Variants in CSRNP2 observed in about 807,000 individuals in gnomAD.
CSRNP2 encodes cysteine and serine rich nuclear protein 2.
CSRNP2 carries 11 observed loss-of-function variants against 36.6 expected under a neutral mutation model. That is an observed-to-expected ratio of 0.30 (90% CI 0.19 to 0.50). The LOEUF (loss-of-function observed/expected upper bound fraction) is 0.50. Among genes scored for constraint, CSRNP2 ranks in the 20% least tolerant of loss-of-function variants. CSRNP2 has a pLI of 0.98. For synonymous variants in CSRNP2, 248 were observed against 275.3 expected (o/e 0.90, Z 0.98); for missense variants, 483 against 691.4 (o/e 0.70, Z 3.38).
Position 51,063,796 on chromosome 12 carries a change from C to CA in CSRNP2, c.1581dup (p.Glu528Ter). 1 of 1,600,120 alleles carries CA rather than the reference C, an allele frequency of 6.2e-7. No homozygotes were observed. Among genetic ancestry groups the CA allele is most frequent in the Non-Finnish European group, 8.5e-7 (1 of 1,172,804 alleles). On this transcript the variant is annotated frameshift_variant, in exon 5 of 5. Coordinates refer to ENST00000228515, the MANE Select transcript of CSRNP2 (RefSeq NM_030809.3). LOFTEE classifies it high-confidence loss of function. ...GAAGAATCTTCAGGGGGCCGATCCT[C>CA]ATTCTGCTGGGAGGTCTTCACCATC... is the stretch of plus-strand genomic sequence containing the variant.
At position 51,067,551 on chromosome 12, in the gene CSRNP2, T is replaced by C; in HGVS notation, c.708+122A>G. 1.1e-6 allele frequency: 1 copy of C among 895,654 alleles called. No individual in the cohort carries two copies. Among genetic ancestry groups the C allele is most frequent in the East Asian group, 2.5e-5 (1 of 40,444 alleles). The allele number at this position is 895,654 out of a possible 1,614,324, so 55.5% of individuals were successfully genotyped here. ...TGTTGACGGAGGAGGGTTGTGGAACTGGAGAGTGTTCACAACCATAGGGAA... is the reference window on the plus strand; with the variant it reads ...TGTTGACGGAGGAGGGTTGTGGAACCGGAGAGTGTTCACAACCATAGGGAA... On this transcript the variant is annotated intron_variant, in intron 4 of 4. Transcript: ENST00000228515. The surrounding 1 kb of genome is among the most constrained non-coding windows in gnomAD (Gnocchi z 4.1).
chr12:51,069,028 T>C (rs1286784238), intron 3 of CSRNP2, among the ~76,000 whole-genome samples: 1 of 152,172 alleles, frequency 6.6e-6, no homozygotes, highest in Non-Finnish European at 1.5e-5. Flanking sequence ...CAGGCTGGAG[T>C]GCAGTGGCGT....
Position 51,062,098 on chromosome 12 carries a change from A to ATGTT in CSRNP2, c.*1644_*1647dup, listed in dbSNP as rs1338108193. 1.3e-5 allele frequency: 2 copies of ATGTT among 152,248 alleles called. No homozygotes were observed. The highest frequency in any genetic ancestry group is 2.9e-5 in the Non-Finnish European group (2 of 68,052). 9.4% of individuals were successfully genotyped at this position (152,248 alleles called of 1,614,324 possible). A position where few individuals can be genotyped will look rare whatever the true frequency, so the allele number is the denominator to read the frequency against. Reference sequence around the variant, plus strand: ...TAGGAAAGGCAGAATGAACTAAAAAATGTTATGTGTATTAAATACAAATCT... The same window carrying ATGTT: ...TAGGAAAGGCAGAATGAACTAAAAAATGTTTGTTATGTGTATTAAATACAAATCT... On this transcript the variant is annotated 3_prime_UTR_variant, in exon 5 of 5. Coordinates refer to ENST00000228515, the MANE Select transcript of CSRNP2 (RefSeq NM_030809.3).
intron 1 of CSRNP2, among the ~76,000 whole-genome samples, chr12:51,078,685 C>T (rs892636796): frequency 3.9e-5 from 6 of 152,192 alleles, no homozygotes; most frequent in Admixed American, 2.0e-4. Context: ...CCATCTCACA[C>T]CAGTTAGAAT....
intron 1 of CSRNP2, among the ~76,000 whole-genome samples, chr12:51,079,290 A>G (rs945607737): frequency 1.3e-5 from 2 of 151,974 alleles, no homozygotes; most frequent in African/African-American, 4.8e-5. Flanking sequence ...CAGCACACCA[A>G]CATGACACAT....
chr12:51,071,077 C>A (rs1371444846), intron 3 of CSRNP2, among the ~76,000 whole-genome samples: 3 of 151,968 alleles, frequency 2.0e-5, no homozygotes, highest in Admixed American at 1.3e-4. Flanking sequence ...GCCTGGCCAA[C>A]GTGGCAAAAC....
rs1220191959 is a variant in CSRNP2 at position 51,062,833 on chromosome 12, A to AAT, written c.*911_*912dup. 6.6e-6 allele frequency: 1 copy of AAT among 152,508 alleles called. No individual in the cohort carries two copies. Among genetic ancestry groups the AAT allele is most frequent in the Non-Finnish European group, 1.5e-5 (1 of 68,064 alleles). The allele number at this position is 152,508 out of a possible 1,614,324, so 9.4% of individuals were successfully genotyped here. Reference sequence around the variant, plus strand: ...TGGGTGAAAAAACAAGCATGGCACAAATATGTCATCTTTCCAGATAGCAAG... The same window carrying AAT: ...TGGGTGAAAAAACAAGCATGGCACAAATATATGTCATCTTTCCAGATAGCAAG... On this transcript the variant is annotated 3_prime_UTR_variant, in exon 5 of 5. Transcript: ENST00000228515.
chr12:51,071,750 G>A (rs1939168679), intron 3 of CSRNP2, among the ~76,000 whole-genome samples: 1 of 152,214 alleles, frequency 6.6e-6, no homozygotes, highest in African/African-American at 2.4e-5. Flanking sequence ...ATGGTATACT[G>A]TTTTGACAGA....
chr12:51,072,930 G>T (rs992416052), intron 3 of CSRNP2, among the ~76,000 whole-genome samples: 10 of 152,028 alleles, frequency 6.6e-5, no homozygotes, highest in African/African-American at 7.2e-5. Context: ...AAATAAATTG[G>T]GGGCGGGGGT....
rs544011361 is a variant in CSRNP2, at chr12:51,071,501, A to G, written c.411+2322T>C. Among the ~76,000 whole-genome samples, 6 of 152,108 alleles carry G rather than the reference A, an allele frequency of 3.9e-5. No homozygotes were observed. The East Asian group carries it at 1.2e-3, about 30-fold the overall frequency. On this transcript the variant is annotated intron_variant, in intron 3 of 4. Coordinates refer to ENST00000228515, the MANE Select transcript of CSRNP2 (RefSeq NM_030809.3). ...AAAGATAAGCCTGGTGCAGTGGCCC[A>G]CACCTGTAGTCCCAACTACTTGGGA...
In CSRNP2 at chr12:51,076,540, C is replaced by T. The variant is rs1448833813; in HGVS notation, c.22G>A (p.Gly8Ser). The T allele has an allele frequency of 3.1e-6, 5 of 1,614,082 alleles. No homozygotes were observed. Among genetic ancestry groups the T allele is most frequent in the Non-Finnish European group, 4.2e-6 (5 of 1,180,014 alleles). MDAFTGS[G>S]LKRKFDDVDV... The stretch of plus-strand genomic sequence containing the variant: ...ACATCATCAAACTTCCTCTTGAGAC[C>T]CGAGCCCGTGAATGCATCCATTGGT... Residue 8 changes from glycine to serine, a missense_variant, in exon 2 of 5, where the codon GGT becomes AGT. Transcript: ENST00000228515.
At position 51,064,510 on chromosome 12, in the gene CSRNP2, G is replaced by C. The variant is rs537309458; in HGVS notation, c.868C>G (p.Pro290Ala). ...SKRQVSRPAAPDEEPSPTASC... is the reference protein window; with the variant it reads ...SKRQVSRPAAADEEPSPTASC... Reference sequence around the variant, plus strand: ...GCAGTCGGGGAGGGCTCCTCATCTGGGGCTGCTGGGCGGCTCACCTGCCGC... The same window carrying C: ...GCAGTCGGGGAGGGCTCCTCATCTGCGGCTGCTGGGCGGCTCACCTGCCGC... Residue 290 changes from proline (P) to alanine (A), a missense_variant, in exon 5 of 5, where the codon CCA (proline) becomes GCA (alanine). By Grantham distance (27) the Pro-to-Ala change is conservative. This residue lies in a region of CSRNP2 where 277 missense variants were observed against 323.6 expected (regional missense o/e 0.86). Coordinates refer to ENST00000228515, the MANE Select transcript of CSRNP2 (RefSeq NM_030809.3). 2.5e-6 allele frequency: 4 copies of C among 1,612,468 alleles called. No homozygotes were observed. Among genetic ancestry groups the C allele is most frequent in the African/African-American group, 2.7e-5 (2 of 75,022 alleles).
chr12:51,079,916 T>G (rs1347073401), intron 1 of CSRNP2, among the ~76,000 whole-genome samples: 1 of 135,822 alleles, frequency 7.4e-6, no homozygotes, highest in South Asian at 2.4e-4. Flanking sequence ...CTACCAAAAA[T>G]ACAATGATTA....
intron 2 of CSRNP2, among the ~76,000 whole-genome samples, chr12:51,076,015 C>T (rs1463563127): frequency 6.6e-6 from 1 of 152,058 alleles, no homozygotes; most frequent in African/African-American, 2.4e-5. Context: ...CTCGCCACTG[C>T]ACTCCAGCCT....
At chr12:51,077,928 T>C (rs1316553431) in intron 1 of CSRNP2, among the ~76,000 whole-genome samples, 1 of 152,240 alleles carries the variant, frequency 6.6e-6, no homozygotes, top group African/African-American at 2.4e-5. Flanking sequence ...TACAAATCTT[T>C]TTCCTCCATC....
intron 4 of CSRNP2, among the ~76,000 whole-genome samples, chr12:51,065,335 G>A (rs12321533): frequency 0.046 from 6,959 of 152,218 alleles, 335 homozygotes; most frequent in African/African-American, 0.13. Flanking sequence ...ATCTGGAAAG[G>A]AGATGCTTTC....
At chr12:51,081,945 T>C (rs531342939) in intron 1 of CSRNP2, among the ~76,000 whole-genome samples, 1 of 152,236 alleles carries the variant, frequency 6.6e-6, no homozygotes, top group Non-Finnish European at 1.5e-5. Context: ...TATAAGTCTC[T>C]TTCTTAAATG....
rs757682651 is a variant in CSRNP2 at position 51,076,503 on chromosome 12, G to A, written c.59C>T (p.Ser20Leu). The A allele has an allele frequency of 1.9e-6, 3 of 1,614,028 alleles. No individual in the cohort carries two copies. The highest frequency in any genetic ancestry group is 1.1e-5 in the South Asian group (1 of 91,066). ...CTCATCATCTGAGTTGGAAACTGAT[G>A]AGCCCACATCCACATCATCAAACTT... ...KRKFDDVDVG[S>L]SVSNSDDEIS... Residue 20 changes from serine (S) to leucine (L), a missense_variant, in exon 2 of 5, where the codon TCA becomes TTA. Physicochemically the swap from Ser to Leu is moderately radical, Grantham distance 145. Around this residue, in one of 2 missense-constraint regions of CSRNP2, gnomAD observed 206 missense variants for 367.8 expected, o/e 0.56. Coordinates refer to ENST00000228515, the MANE Select transcript of CSRNP2 (RefSeq NM_030809.3).
At chr12:51,082,063 G>A (rs1041129883) in intron 1 of CSRNP2, among the ~76,000 whole-genome samples, 1 of 152,192 alleles carries the variant, frequency 6.6e-6, no homozygotes, top group African/African-American at 2.4e-5. Context: ...AGATGGTCAG[G>A]GCTACCATCT....
Sources: allele counts gnomAD v4.1 joint callset (sites outside exome capture counted in the v4.1 genomes callset), GRCh38; gene constraint gnomAD v4.1.1; regional missense constraint gnomAD v4.1.1; non-coding constraint Gnocchi (gnomAD v3.1); transcripts MANE v1.5; gene names NCBI Gene and HGNC (gene_info 2026-07-23, HGNC 2026-07-21).